The following PRKG1 variants were observed in gnomAD, a reference collection of about 807,000 sequenced individuals.
PRKG1 encodes cGMP-dependent protein kinase 1.
PRKG1 carries 35 observed loss-of-function variants against 88.1 expected under a neutral mutation model. That is an observed-to-expected ratio of 0.40 (90% CI 0.30 to 0.53). PRKG1 has a LOEUF of 0.53. Ranked by LOEUF, PRKG1 falls within the 20% of genes least tolerant of loss-of-function variation. The pLI is 0.59. For synonymous variants in PRKG1, 303 were observed against 292.5 expected (o/e 1.04, Z -0.37); for missense variants, 540 against 839.8 (o/e 0.64, Z 4.41).
At chr10:51,770,544 G>C (rs1042221679) in intron 3 of PRKG1, among the ~76,000 whole-genome samples, 2 of 152,126 alleles carry the variant, frequency 1.3e-5, no homozygotes, top group Non-Finnish European at 2.9e-5. Context: ...CTTAGGAACC[G>C]GACTGCACAG....
intron 5 of PRKG1, among the ~76,000 whole-genome samples, chr10:51,983,967 A>C (rs1245006861): frequency 6.6e-6 from 1 of 152,242 alleles, no homozygotes. Context: ...TTTGCCAAAA[A>C]TTAGGGGCAC....
intron 5 of PRKG1, among the ~76,000 whole-genome samples, chr10:52,043,750 T>C (rs1318839947): frequency 6.6e-6 from 1 of 151,910 alleles, no homozygotes; most frequent in Non-Finnish European, 1.5e-5. Flanking sequence ...TACCCTGATT[T>C]GAACATTACA....
At chr10:51,659,645 C>T (rs765807963) in intron 3 of PRKG1, among the ~76,000 whole-genome samples, 37 of 152,068 alleles carry the variant, frequency 2.4e-4, no homozygotes, top group Admixed American at 3.3e-4. Flanking sequence ...AATTATCTCA[C>T]TTGTAGTCAA....
At chr10:51,597,259 T>C (rs1056445520) in intron 3 of PRKG1, among the ~76,000 whole-genome samples, 4 of 152,120 alleles carry the variant, frequency 2.6e-5, no homozygotes, top group African/African-American at 9.7e-5. Context: ...TTCCCTTTAA[T>C]TCATTGTTGG....
At chr10:52,069,553 A>G (rs1228538483) in intron 7 of PRKG1, among the ~76,000 whole-genome samples, 1 of 152,168 alleles carries the variant, frequency 6.6e-6, no homozygotes, top group East Asian at 1.9e-4. Flanking sequence ...AAAAGATAAA[A>G]CAATAAAATT....
chr10:51,385,371 G>T (rs1837223491), intron 2 of PRKG1, among the ~76,000 whole-genome samples: 1 of 152,166 alleles, frequency 6.6e-6, no homozygotes, highest in Non-Finnish European at 1.5e-5. Context: ...AATAATGGTT[G>T]ATAATGCATA....
At chr10:51,890,155 A>G (rs990292107) in intron 4 of PRKG1, among the ~76,000 whole-genome samples, 2 of 152,162 alleles carry the variant, frequency 1.3e-5, no homozygotes, top group Admixed American at 6.5e-5. Context: ...CTGAATGGTA[A>G]TGCCTAGGTT....
chr10:51,044,482 C>T (rs142514751), intron 1 of PRKG1, among the ~76,000 whole-genome samples: 90 of 152,200 alleles, frequency 5.9e-4, no homozygotes, highest in African/African-American at 2.0e-3. Flanking sequence ...CTCTTTTGGT[C>T]GCTATCCCTT....
chr10:51,786,975 T>C (rs1838745486), intron 3 of PRKG1, among the ~76,000 whole-genome samples: 1 of 152,168 alleles, frequency 6.6e-6, no homozygotes, highest in Non-Finnish European at 1.5e-5. Flanking sequence ...AGGTTTACGA[T>C]TTAGAAAATA....
intron 9 of PRKG1, among the ~76,000 whole-genome samples, chr10:52,164,037 T>C (rs1838358234): frequency 6.6e-6 from 1 of 152,126 alleles, no homozygotes. Flanking sequence ...TGGCAGTGTG[T>C]AAAAATACTT....
At chr10:51,727,147 A>C (rs1842152073) in intron 3 of PRKG1, among the ~76,000 whole-genome samples, 1 of 151,868 alleles carries the variant, frequency 6.6e-6, no homozygotes, top group Admixed American at 6.6e-5. Context: ...ATGTCTTTTA[A>C]AGAATTTTTT....
intron 1 of PRKG1, among the ~76,000 whole-genome samples, chr10:51,093,801 T>TATACAC (rs373524517): frequency 5.2e-4 from 67 of 127,668 alleles, no homozygotes; most frequent in African/African-American, 1.8e-3. Context: ...TATATATATA[T>TATACAC]ACACACACAC....
At chr10:51,743,106 G>A (rs1012554157) in intron 3 of PRKG1, among the ~76,000 whole-genome samples, 1 of 152,026 alleles carries the variant, frequency 6.6e-6, no homozygotes, top group Non-Finnish European at 1.5e-5. Context: ...CTCTTTCTCC[G>A]GGAAAACCAC....
intron 3 of PRKG1, among the ~76,000 whole-genome samples, chr10:51,647,409 A>G (rs1224519556): frequency 6.6e-6 from 1 of 152,232 alleles, no homozygotes; most frequent in Admixed American, 6.5e-5. Flanking sequence ...ATGAGCCTCC[A>G]GTATACTGTT....
intron 2 of PRKG1, among the ~76,000 whole-genome samples, chr10:51,283,199 G>C (rs1004104614): frequency 6.6e-6 from 1 of 151,544 alleles, no homozygotes; most frequent in African/African-American, 2.4e-5. Context: ...GAAAATCGTG[G>C]AGAAGCATAG....
chr10:51,520,818 A>C (rs554859930), intron 3 of PRKG1, among the ~76,000 whole-genome samples: 2 of 152,220 alleles, frequency 1.3e-5, no homozygotes, highest in Non-Finnish European at 2.9e-5. Flanking sequence ...ACATGGAAGA[A>C]TTTTCTGTAC....
chr10:51,217,381 G>T (rs1838399654), intron 2 of PRKG1, among the ~76,000 whole-genome samples: 1 of 151,996 alleles, frequency 6.6e-6, no homozygotes, highest in African/African-American at 2.4e-5. Flanking sequence ...AGTTTGGTGT[G>T]GGGAAAAATG....
intron 1 of PRKG1, among the ~76,000 whole-genome samples, chr10:51,116,901 G>A (rs926826415): frequency 2.6e-5 from 4 of 152,274 alleles, no homozygotes; most frequent in African/African-American, 9.6e-5. Context: ...GAGTAGAGGT[G>A]GGAGCCTGGA....
intron 3 of PRKG1, among the ~76,000 whole-genome samples, chr10:51,766,572 G>C (rs528941349): frequency 6.6e-6 from 1 of 152,098 alleles, no homozygotes; most frequent in East Asian, 1.9e-4. Context: ...TTTTACTGAG[G>C]ACCCACACTA....
Sources: gnomAD v4.1 joint callset for allele counts (sites outside exome capture counted in the v4.1 genomes callset) on GRCh38, gnomAD v4.1.1 for gene constraint, MANE v1.5 for transcripts, NCBI Gene and HGNC (gene_info 2026-07-23, HGNC 2026-07-21) for gene names.